NBAS: variants seen among roughly 807,000 people sequenced by gnomAD.
The protein encoded by NBAS is NAG/BC035112 fusion.
NBAS carries 219 observed loss-of-function variants against 302.5 expected under a neutral mutation model. That is an observed-to-expected ratio of 0.72 (90% CI 0.65 to 0.81). The LOEUF (loss-of-function observed/expected upper bound fraction) is 0.81, where lower values mean the gene tolerates loss of function less well. Among genes scored for constraint, NBAS ranks in the 30% least tolerant of loss-of-function variants. The pLI is 0.00. For synonymous variants in NBAS, 1,118 were observed against 1,021.6 expected, an observed-to-expected ratio of 1.09 and a Z score of -1.80; for missense variants, 2,932 against 2,841.6, an observed-to-expected ratio of 1.03 and a Z score of -0.72.
At chr2:14,783,408 G>A in the NBAS span, among the ~76,000 whole-genome samples, 1 of 151,078 alleles carries the variant, frequency 6.6e-6, no homozygotes, top group African/African-American at 2.4e-5. Flanking sequence ...CCATGCTGGT[G>A]TGCTGCACCC....
At chr2:14,903,576 G>A in the NBAS span, among the ~76,000 whole-genome samples, 1 of 152,134 alleles carries the variant, frequency 6.6e-6, no homozygotes, top group Non-Finnish European at 1.5e-5. Context: ...AAAACAATAG[G>A]GGGTGGAGGA....
At chr2:15,259,133 G>A (rs984836697) in intron 44 of NBAS, among the ~76,000 whole-genome samples, 5 of 152,098 alleles carry the variant, frequency 3.3e-5, no homozygotes, top group African/African-American at 1.2e-4. Flanking sequence ...AAAAATAACT[G>A]AATATAGATT....
At chr2:14,958,736 G>T in the NBAS span, among the ~76,000 whole-genome samples, 1 of 152,138 alleles carries the variant, frequency 6.6e-6, no homozygotes, top group Admixed American at 6.5e-5. Context: ...TGTAAAGAGT[G>T]ACTTGAAAAG....
At chr2:14,846,840 A>T in the NBAS span, among the ~76,000 whole-genome samples, 1 of 152,182 alleles carries the variant, frequency 6.6e-6, no homozygotes, top group African/African-American at 2.4e-5. Context: ...ATTAAAAGTT[A>T]AAAGTTAAAT....
the NBAS span, among the ~76,000 whole-genome samples, chr2:15,156,156 T>C: frequency 6.6e-6 from 1 of 152,172 alleles, no homozygotes; most frequent in Non-Finnish European, 1.5e-5. Context: ...AAGAGAAGGC[T>C]GTTCTCCATG....
intron 38 of NBAS, among the ~76,000 whole-genome samples, chr2:15,319,998 A>G (rs1174197959): frequency 1.3e-5 from 2 of 152,244 alleles, no homozygotes; most frequent in African/African-American, 4.8e-5. Flanking sequence ...AAAGTCCTCA[A>G]TAAAATACTG....
chr2:15,419,084 G>GACTGATTAGTTCACAC (rs1162152009), intron 23 of NBAS, among the ~76,000 whole-genome samples: 1 of 152,164 alleles, frequency 6.6e-6, no homozygotes, highest in Admixed American at 6.5e-5. Context: ...GCCATTCATT[G>GACTGATTAGTTCACAC]ACTGATTAGT....
At chr2:15,282,501 G>A (rs1282289071) in intron 42 of NBAS, among the ~76,000 whole-genome samples, 2 of 152,058 alleles carry the variant, frequency 1.3e-5, no homozygotes, top group African/African-American at 4.8e-5. Context: ...TCCTACTAAA[G>A]AATATGAAAT....
intron 30 of NBAS, among the ~76,000 whole-genome samples, chr2:15,375,573 T>G (rs1674695950): frequency 6.6e-6 from 1 of 152,190 alleles, no homozygotes; most frequent in Non-Finnish European, 1.5e-5. Flanking sequence ...TGCACTCACA[T>G]CTACTGTTGA....
At chr2:15,298,007 T>C (rs1377832881) in intron 40 of NBAS, among the ~76,000 whole-genome samples, 2 of 152,152 alleles carry the variant, frequency 1.3e-5, no homozygotes, top group African/African-American at 4.8e-5. Context: ...TCTGTTAAAC[T>C]CCCTGAAATA....
the NBAS span, among the ~76,000 whole-genome samples, chr2:14,934,967 T>C: frequency 6.6e-6 from 1 of 152,232 alleles, no homozygotes; most frequent in South Asian, 2.1e-4. Flanking sequence ...AAGATTTTCT[T>C]TCTATCCCAG....
chr2:15,107,857 T>C, the NBAS span, among the ~76,000 whole-genome samples: 5 of 152,124 alleles, frequency 3.3e-5, no homozygotes, highest in Non-Finnish European at 7.4e-5. Flanking sequence ...TCCCCACTCC[T>C]GGCCCCAAGT....
At chr2:15,437,404 G>A (rs917253509) in intron 21 of NBAS, among the ~76,000 whole-genome samples, 3 of 152,184 alleles carry the variant, frequency 2.0e-5, no homozygotes, top group African/African-American at 7.2e-5. Context: ...AGATACTGCT[G>A]CACAAGTCTA....
the NBAS span, among the ~76,000 whole-genome samples, chr2:14,790,714 C>T: frequency 1.1e-4 from 16 of 147,226 alleles, no homozygotes; most frequent in Admixed American, 2.1e-4. Context: ...TGCAACGGTG[C>T]GATCTCGGCT....
the NBAS span, among the ~76,000 whole-genome samples, chr2:14,943,234 T>C: frequency 2.0e-5 from 3 of 152,348 alleles, no homozygotes; most frequent in East Asian, 1.9e-4. Flanking sequence ...CCGGATACAC[T>C]TGTAGCAAGC....
chr2:15,186,114 GTGTA>G (rs1361923146), intron 50 of NBAS, among the ~76,000 whole-genome samples: 2 of 146,754 alleles, frequency 1.4e-5, no homozygotes, highest in South Asian at 2.2e-4. Flanking sequence ...ACACACATAT[GTGTA>G]TGTATGTGTG....
chr2:14,823,445 C>CTACA, the NBAS span, among the ~76,000 whole-genome samples: 1 of 152,218 alleles, frequency 6.6e-6, no homozygotes, highest in East Asian at 1.9e-4. Context: ...TTAGTCTGAC[C>CTACA]TACACATTTT....
the NBAS span, among the ~76,000 whole-genome samples, chr2:15,027,394 C>CTG: frequency 1.3e-5 from 2 of 151,814 alleles, no homozygotes; most frequent in Non-Finnish European, 1.5e-5. Context: ...TTATCTGTCA[C>CTG]TGTGTATACT....
chr2:15,250,775 G>A (rs987016314), intron 44 of NBAS, among the ~76,000 whole-genome samples: 2 of 152,162 alleles, frequency 1.3e-5, no homozygotes, highest in Non-Finnish European at 2.9e-5. Flanking sequence ...TCTCATGCCG[G>A]TTAGAATGGC....
Sources: gnomAD v4.1 joint callset for allele counts (sites outside exome capture counted in the v4.1 genomes callset) on GRCh38, gnomAD v4.1.1 for gene constraint, MANE v1.5 for transcripts, NCBI Gene and HGNC (gene_info 2026-07-23, HGNC 2026-07-21) for gene names.